The following ERCC6L2 variants were observed in gnomAD, a reference collection of about 807,000 sequenced individuals.
ERCC6L2 encodes DNA excision repair protein ERCC-6-like 2.
In ERCC6L2, 77 loss-of-function variants were observed where a neutral mutation model predicts 132.0. That is an observed-to-expected ratio of 0.58 (90% CI 0.49 to 0.71). The LOEUF is 0.71. ERCC6L2 is among the 30% of genes least tolerant of loss of function. The pLI, the probability that ERCC6L2 is intolerant of heterozygous loss-of-function variation, is 0.00. For synonymous variants in ERCC6L2, 583 were observed against 632.4 expected, an observed-to-expected ratio of 0.92 and a Z score of 1.17; for missense variants, 1,542 against 1,837.6, an observed-to-expected ratio of 0.84 and a Z score of 2.94.
chr9:96,018,873 C>T (rs75702651), downstream of ERCC6L2, among the ~76,000 whole-genome samples: 20,144 of 152,200 alleles, frequency 0.13, 1,394 homozygotes, highest in South Asian at 0.24. Flanking sequence ...AGAGATAATA[C>T]TCATCTGACA....
intron 13 of ERCC6L2, among the ~76,000 whole-genome samples, chr9:95,965,037 G>GT (rs1254673907): frequency 2.6e-5 from 4 of 152,136 alleles, no homozygotes; most frequent in Non-Finnish European, 5.9e-5. Flanking sequence ...GCTATCACTT[G>GT]TATCAATTGT....
At chr9:95,907,891 T>C (rs902091999) in intron 4 of ERCC6L2, among the ~76,000 whole-genome samples, 2 of 65,500 alleles carry the variant, frequency 3.1e-5, no homozygotes, top group Non-Finnish European at 6.5e-5. Flanking sequence ...GCATAGAGTG[T>C]GAGGGAGAAG....
At chr9:96,005,974 G>C (rs942047124) in intron 18 of ERCC6L2, among the ~76,000 whole-genome samples, 3 of 152,202 alleles carry the variant, frequency 2.0e-5, no homozygotes, top group Non-Finnish European at 4.4e-5. Flanking sequence ...TTGAGCAACA[G>C]AGTGGAGGTA....
intron 19 of ERCC6L2, among the ~76,000 whole-genome samples, chr9:96,033,758 T>G (rs1032460656): frequency 3.3e-5 from 5 of 152,240 alleles, no homozygotes; most frequent in African/African-American, 1.2e-4. Flanking sequence ...AGTTGTCATC[T>G]GGCAGATTTT....
intron 13 of ERCC6L2, among the ~76,000 whole-genome samples, chr9:95,957,731 AAAGAT>A (rs1831680044): frequency 2.0e-5 from 3 of 152,126 alleles, no homozygotes; most frequent in Admixed American, 6.6e-5. Flanking sequence ...TGACACAAAT[AAAGAT>A]AAGATGGCAA....
rs374345632 is a variant in ERCC6L2 at position 96,012,622 on chromosome 9, A to G, written c.4072A>G (p.Lys1358Glu). Reference protein sequence around the residue: ...EVFFNDAETKKSPVSSTQEID... With the variant: ...EVFFNDAETKESPVSSTQEID... ...GTTTTTTAATGATGCAGAAACTAAG[A>G]AATCACCTGTTAGTTCTACTCAAGA... The change falls in exon 19 of 19, where the codon AAA becomes GAA. Residue 1358 changes from lysine (K) to glutamate (E), a missense_variant. Physicochemically the swap from Lys to Glu is moderately conservative, Grantham distance 56 (BLOSUM62 1). Around this residue, in one of 4 missense-constraint regions of ERCC6L2, gnomAD observed 442 missense variants for 583.4 expected, o/e 0.76. Coordinates refer to ENST00000653738, the MANE Select transcript of ERCC6L2 (RefSeq NM_020207.7). 2.9e-6 allele frequency: 4 copies of G among 1,367,636 alleles called. No homozygotes were observed. The highest frequency in any genetic ancestry group is 3.9e-6 in the Non-Finnish European group (4 of 1,021,820). The allele number at this position is 1,367,636 out of a possible 1,614,324, so 84.7% of individuals were successfully genotyped here.
intron 16 of ERCC6L2, among the ~76,000 whole-genome samples, chr9:95,974,916 T>C (rs1832597890): frequency 6.6e-6 from 1 of 152,154 alleles, no homozygotes; most frequent in South Asian, 2.1e-4. Context: ...CTTTATTATA[T>C]GTGAATACCA....
At chr9:96,001,262 G>T (rs1340583549) in intron 17 of ERCC6L2, among the ~76,000 whole-genome samples, 2 of 152,136 alleles carry the variant, frequency 1.3e-5, no homozygotes, top group Admixed American at 6.5e-5. Flanking sequence ...GGACCCGAGC[G>T]GGTTGCCAAT....
chr9:95,907,290 A>C lies in ERCC6L2; in HGVS notation c.788+19A>C, dbSNP rs1829089449. ...TTAACAGGTAATGGGAATAATAGGA[A>C]TAGGAATGATTGTATTAATAGTCTA... On this transcript the variant is annotated intron_variant, in intron 4 of 18. Coordinates refer to ENST00000653738, the MANE Select transcript of ERCC6L2 (RefSeq NM_020207.7). 2 of 1,549,852 alleles carry C rather than the reference A, an allele frequency of 1.3e-6. No individual in the cohort carries two copies. The highest frequency in any genetic ancestry group is 2.4e-5 in the South Asian group (2 of 84,554).
chr9:95,918,160 A>G (rs1587903535), intron 6 of ERCC6L2: 1 of 472,344 alleles, frequency 2.1e-6, no homozygotes, highest in Non-Finnish European at 4.2e-6. Context: ...AGTTGTGGTC[A>G]TCCTGGCTAA....
At chr9:95,975,471 C>CTTTTTT (rs572855007) in intron 16 of ERCC6L2, among the ~76,000 whole-genome samples, 154 of 111,246 alleles carry the variant, frequency 1.4e-3, no homozygotes, top group Middle Eastern at 5.5e-3. Context: ...ATTATATGTT[C>CTTTTTT]TTTTTTTTTT....
intron 12 of ERCC6L2, 130 bp from the exon 13 acceptor site, chr9:95,955,780 ATATT>A (rs1364578895): frequency 6.4e-6 from 3 of 471,678 alleles, no homozygotes; most frequent in Non-Finnish European, 1.1e-5. Context: ...TAAATAGAGC[ATATT>A]TAAACATAAA....
chr9:95,909,522 G>A (rs1829241000), intron 4 of ERCC6L2, among the ~76,000 whole-genome samples: 1 of 152,164 alleles, frequency 6.6e-6, no homozygotes, highest in Non-Finnish European at 1.5e-5. Flanking sequence ...GTGAGTTTAA[G>A]CTATTACGGA....
intron 12 of ERCC6L2, chr9:95,954,819 C>T (rs1831517013): frequency 2.1e-6 from 1 of 470,990 alleles, no homozygotes; most frequent in Non-Finnish European, 4.4e-6. Context: ...AGTACCTTAC[C>T]CCTGGTGGTG....
chr9:95,917,232 A>T (rs1426755036), intron 6 of ERCC6L2, among the ~76,000 whole-genome samples: 1 of 152,214 alleles, frequency 6.6e-6, no homozygotes, highest in Non-Finnish European at 1.5e-5. Flanking sequence ...ATTTGTAGGA[A>T]AACTACATTG....
chr9:96,030,018 G>A lies in ERCC6L2; in HGVS notation c.*1504-8858G>A, dbSNP rs143215253. ...CTCTGCCCCAATCCCAGTGAGAGGT[G>A]AAGCCAGCTGGACCTCCTGGGTCGA... On this transcript the variant is annotated intron_variant and NMD_transcript_variant, in intron 19 of 20. Transcript: ENST00000670016. Among the ~76,000 whole-genome samples, 719 of 152,316 alleles carry A rather than the reference G, an allele frequency of 4.7e-3. 4 individuals are homozygous for A. The highest frequency in any genetic ancestry group is 0.015 in the African/African-American group (642 of 41,568).
chr9:95,936,033 C>T (rs1830537011), intron 11 of ERCC6L2, among the ~76,000 whole-genome samples: 1 of 151,858 alleles, frequency 6.6e-6, no homozygotes, highest in Admixed American at 6.6e-5. Context: ...ATCAGAAGAC[C>T]AAAGAAGTAA....
At chr9:95,984,421 AG>A (rs1231284786) in intron 17 of ERCC6L2, among the ~76,000 whole-genome samples, 1 of 151,446 alleles carries the variant, frequency 6.6e-6, no homozygotes, top group Non-Finnish European at 1.5e-5. Context: ...AATAACCTTC[AG>A]CCTTATATTT....
chr9:95,981,049 GAAAAT>G lies in ERCC6L2; in HGVS notation c.3492+2838_3492+2842del, dbSNP rs1467257583. The stretch of plus-strand genomic sequence containing the variant: ...AGTTGCAGACGTATTGTCTCAGTAA[GAAAAT>G]AAATCCTATTTGTTTTATGAAATCA... On this transcript the variant is annotated intron_variant, in intron 17 of 18. Coordinates refer to ENST00000653738, the MANE Select transcript of ERCC6L2 (RefSeq NM_020207.7). Among the ~76,000 whole-genome samples the G allele has an allele frequency of 5.9e-5, 9 of 152,216 alleles. No homozygotes were observed. The East Asian group carries it at 1.7e-3, about 29-fold the overall frequency.
Sources: allele counts gnomAD v4.1 joint callset (sites outside exome capture counted in the v4.1 genomes callset), GRCh38; gene constraint gnomAD v4.1.1; regional missense constraint gnomAD v4.1.1; transcripts MANE v1.5; gene names NCBI Gene and HGNC (gene_info 2026-07-23, HGNC 2026-07-21).